Variants in CES5A observed in about 807,000 individuals in gnomAD.
CES5A encodes carboxylesterase 5.
A neutral mutation model predicts 62.9 loss-of-function variants in CES5A; 67 were observed. The ratio of observed to expected loss-of-function variants is 1.07; its 90% CI spans 0.88 to 1.31. The LOEUF (loss-of-function observed/expected upper bound fraction) is 1.31, where lower values mean the gene tolerates loss of function less well. Among genes scored for constraint, CES5A ranks in the 50% most tolerant of loss-of-function variants. The pLI, the probability that CES5A is intolerant of heterozygous loss-of-function variation, is 0.00. For missense variants in CES5A, 748 were observed against 708.5 expected (o/e 1.06, Z -0.63); for synonymous variants, 296 against 280.8 (o/e 1.05, Z -0.54).
chr16:55,924,118 GTCAAATTA>G (rs1313695500), intron 1 of CES5A, among the ~76,000 whole-genome samples: 1 of 151,860 alleles, frequency 6.6e-6, no homozygotes, highest in Non-Finnish European at 1.5e-5. Context: ...AAAGAAAGAA[GTCAAATTA>G]TCCTTATTCA....
chr16:55,855,140 G>T lies in CES5A; in HGVS notation c.1125+1237C>A, dbSNP rs546289187. ...AGCCTTGGACATCCCTGTGCTTCCT[G>T]TGTACTGTATTGAAGTGTCTTGTCA... On this transcript the variant is annotated intron_variant, in intron 9 of 12. Transcript: ENST00000290567. Among the ~76,000 whole-genome samples the T allele has an allele frequency of 2.0e-5, 3 of 152,340 alleles. No homozygotes were observed. In the East Asian group the frequency reaches 5.8e-4, roughly 30 times the overall value.
chr16:55,926,299 A>C (rs571374406), upstream of CES5A, among the ~76,000 whole-genome samples: 1 of 152,232 alleles, frequency 6.6e-6, no homozygotes, highest in African/African-American at 2.4e-5. Context: ...AAATCTGTTC[A>C]TTGTCCTTCA....
chr16:55,871,672 G>A lies in CES5A; in HGVS notation c.370C>T (p.Leu124=), dbSNP rs1484107109. 1 of 1,614,034 alleles carries A rather than the reference G, an allele frequency of 6.2e-7. No homozygotes were observed. The highest frequency in any genetic ancestry group is 8.5e-7 in the Non-Finnish European group (1 of 1,180,028). ...GCGTGGGCAGGCGCATAGATGTTCA[G>A]GTAGAGGCAGTCTTCTGACACTCCG... ...KFGVSEDCLY[L]NIYAPAHADT... Residue 124 remains leucine, a synonymous_variant, in exon 3 of 13, where the codon CTG becomes TTG. Transcript: ENST00000290567.
upstream of CES5A, among the ~76,000 whole-genome samples, chr16:55,878,079 G>T (rs2033716777): frequency 6.6e-6 from 1 of 152,128 alleles, no homozygotes; most frequent in South Asian, 2.1e-4. Context: ...ATGGCCCCTG[G>T]GAGACACAGA....
intron 1 of CES5A, among the ~76,000 whole-genome samples, chr16:55,951,130 A>AAAAAAAAAAAAAAAAC (rs869086620): frequency 7.1e-6 from 1 of 140,616 alleles, no homozygotes; most frequent in African/African-American, 2.6e-5. Context: ...AAAAAAAAAA[A>AAAAAAAAAAAAAAAAC]GACCCACACT....
intron 1 of CES5A, among the ~76,000 whole-genome samples, chr16:55,889,020 T>G (rs2033846283): frequency 6.6e-6 from 1 of 152,044 alleles, no homozygotes; most frequent in Non-Finnish European, 1.5e-5. Flanking sequence ...AATTTGACAG[T>G]TAAAGGGGAG....
At chr16:55,944,833 C>T (rs1027484719) in intron 2 of CES5A, among the ~76,000 whole-genome samples, 9 of 152,180 alleles carry the variant, frequency 5.9e-5, no homozygotes, top group Non-Finnish European at 1.3e-4. Context: ...CTTTAAATCT[C>T]AATCTCATTC....
At chr16:55,942,881 T>C (rs1344992485) in intron 2 of CES5A, among the ~76,000 whole-genome samples, 2 of 152,140 alleles carry the variant, frequency 1.3e-5, no homozygotes, top group African/African-American at 4.8e-5. Flanking sequence ...CTCAAAAACA[T>C]TACAGTGGAC....
intron 2 of CES5A, among the ~76,000 whole-genome samples, chr16:55,945,309 A>G (rs1460202036): frequency 6.6e-6 from 1 of 152,262 alleles, no homozygotes; most frequent in Non-Finnish European, 1.5e-5. Flanking sequence ...GGCTTGGAAA[A>G]GTTAAGCAAT....
Position 55,846,774 on chromosome 16 carries a change from C to T in CES5A, c.1490G>A (p.Arg497Gln). Residue 497 changes from arginine to glutamine, a missense_variant, in exon 12 of 13, where the codon CGA becomes CAA. Transcript: ENST00000290567. ...KMMKYWATFA[R>Q]TGNPNGNDLS... is the part of the protein sequence containing the mutation. ...GACCGGGAGGTTTACTTACCCGGTT[C>T]GAGCAAAGGTAGCCCAGTATTTCAT... 5 of 1,614,128 alleles carry T rather than the reference C, an allele frequency of 3.1e-6. No homozygotes were observed. Among genetic ancestry groups the T allele is most frequent in the Non-Finnish European group, 4.2e-6 (5 of 1,179,998 alleles).
intron 2 of CES5A, chr16:55,944,020 G>T (rs1364021171): frequency 8.5e-6 from 6 of 701,980 alleles, no homozygotes; most frequent in Admixed American, 2.0e-5. Context: ...GGGAAAAATC[G>T]CAAGTCATTG....
intron 2 of CES5A, among the ~76,000 whole-genome samples, chr16:55,941,022 G>C (rs2034440057): frequency 6.6e-6 from 1 of 151,818 alleles, no homozygotes; most frequent in Admixed American, 6.6e-5. Flanking sequence ...AAGAACAAAT[G>C]TAAAAAGCCT....
intron 11 of CES5A, among the ~76,000 whole-genome samples, chr16:55,848,893 TC>T (rs1249776027): frequency 6.6e-6 from 1 of 152,202 alleles, no homozygotes; most frequent in Non-Finnish European, 1.5e-5. Context: ...AGGAGGAAGT[TC>T]TTTATTATCT....
intron 2 of CES5A, among the ~76,000 whole-genome samples, chr16:55,937,618 A>T (rs1315370760): frequency 1.3e-5 from 2 of 152,240 alleles, no homozygotes; most frequent in African/African-American, 2.4e-5. Context: ...AAGTGGGCAT[A>T]TCATACTCAC....
chr16:55,861,263 C>G, intron 7 of CES5A, 149 bp downstream of exon 7: 1 of 614,406 alleles, frequency 1.6e-6, no homozygotes, highest in South Asian at 2.0e-5. Flanking sequence ...GTTCTATATC[C>G]CTACTTATTT....
At chr16:55,894,995 C>A (rs2033917389) in intron 1 of CES5A, among the ~76,000 whole-genome samples, 1 of 152,192 alleles carries the variant, frequency 6.6e-6, no homozygotes, top group African/African-American at 2.4e-5. Flanking sequence ...TCCTGGGAAT[C>A]TAGAAGACCA....
intron 4 of CES5A, 111 bp downstream of exon 4, chr16:55,869,500 T>G: frequency 1.4e-6 from 2 of 1,403,928 alleles, no homozygotes; most frequent in Non-Finnish European, 1.9e-6. Context: ...GGGCCAGTTT[T>G]GTTCATTGTC....
Position 55,869,696 on chromosome 16 carries a change from T to G in CES5A, c.466A>C (p.Ile156Leu). ...GGAFKTGSAS[I>L]FDGSALAAYE... ...GCAGCCAGGGCGGACCCATCAAAGA[T>G]GGAGGCTGAGCCAGTCTTGAAGGCA... is the stretch of plus-strand genomic sequence containing the variant. The change falls in exon 4 of 13, where the codon ATC becomes CTC. Residue 156 changes from isoleucine (I) to leucine (L), a missense_variant. Physicochemically the swap from Ile to Leu is conservative, Grantham distance 5 (BLOSUM62 2). Transcript: ENST00000290567. 6.2e-7 allele frequency: 1 copy of G among 1,611,348 alleles called. No homozygotes were observed. The highest frequency in any genetic ancestry group is 8.5e-7 in the Non-Finnish European group (1 of 1,178,514).
chr16:55,912,340 C>A (rs2034101923), intron 1 of CES5A, among the ~76,000 whole-genome samples: 1 of 152,174 alleles, frequency 6.6e-6, no homozygotes, highest in Admixed American at 6.5e-5. Context: ...GCGCTCCCAG[C>A]GTCTTTCCTT....
Sources: gnomAD v4.1 joint callset for allele counts (sites outside exome capture counted in the v4.1 genomes callset) on GRCh38, gnomAD v4.1.1 for gene constraint, MANE v1.5 for transcripts, NCBI Gene and HGNC (gene_info 2026-07-23, HGNC 2026-07-21) for gene names.